The following AHCYL2 variants were observed in gnomAD, a reference collection of about 807,000 sequenced individuals.
AHCYL2 encodes the protein S-adenosylhomocysteine hydrolase-like protein 2.
AHCYL2 carries 28 observed loss-of-function variants against 81.4 expected under a neutral mutation model. That is an observed-to-expected ratio of 0.34 (90% confidence interval 0.25 to 0.47). The LOEUF is 0.47. AHCYL2 is among the 20% of genes least tolerant of loss of function. AHCYL2 has a pLI of 1.00. For synonymous variants in AHCYL2, 272 were observed against 290.2 expected (o/e 0.94, Z 0.64); for missense variants, 551 against 785.1 (o/e 0.70, Z 3.56).
At chr7:129,409,964 G>A (rs927341315) in intron 11 of AHCYL2, 7 of 599,440 alleles carry the variant, frequency 1.2e-5, no homozygotes, top group African/African-American at 3.8e-5. Flanking sequence ...TAGAGTGCAA[G>A]TGAAGCATCA....
At position 129,268,440 on chromosome 7, in the gene AHCYL2, C is replaced by T. The variant is rs371228169; in HGVS notation, c.363+43001C>T. On this transcript the variant is annotated intron_variant, in intron 1 of 16. Coordinates refer to ENST00000325006, the MANE Select transcript of AHCYL2 (RefSeq NM_015328.4). ...TCAGCTCACCACAACCTCCATCTCC[C>T]GGATTCAAGTGATTCTCCTGCCTCA... Among the ~76,000 whole-genome samples, 113 of 152,218 alleles carry T rather than the reference C, an allele frequency of 7.4e-4. No individual in the cohort carries two copies. In the East Asian group the frequency reaches 0.015, roughly 20 times the overall value.
chr7:129,376,332 G>A (rs1052511730), intron 1 of AHCYL2, among the ~76,000 whole-genome samples: 3 of 152,260 alleles, frequency 2.0e-5, no homozygotes, highest in Admixed American at 2.0e-4. Flanking sequence ...AAAGATACTC[G>A]TTTCTTGCGG....
chr7:129,268,210 T>C (rs1458213606), intron 1 of AHCYL2, among the ~76,000 whole-genome samples: 1 of 152,182 alleles, frequency 6.6e-6, no homozygotes, highest in Non-Finnish European at 1.5e-5. Context: ...GAGGATCTTG[T>C]TTTTACCAGC....
chr7:129,341,180 G>A (rs976162168), intron 1 of AHCYL2, among the ~76,000 whole-genome samples: 2 of 152,212 alleles, frequency 1.3e-5, no homozygotes, highest in Non-Finnish European at 2.9e-5. Context: ...AGAACTTGGG[G>A]TTACATAGCA....
chr7:129,268,478 G>T (rs1795893958), intron 1 of AHCYL2, among the ~76,000 whole-genome samples: 1 of 152,176 alleles, frequency 6.6e-6, no homozygotes, highest in Non-Finnish European at 1.5e-5. Context: ...CTCCTGAGTA[G>T]CTGGGACTAC....
intron 4 of AHCYL2, 44 bp downstream of exon 4, chr7:129,389,778 T>C (rs1458150500): frequency 1.3e-6 from 2 of 1,516,930 alleles, no homozygotes; most frequent in South Asian, 1.2e-5. Flanking sequence ...TAGTTAATAA[T>C]AGCCACGAGC....
intron 1 of AHCYL2, among the ~76,000 whole-genome samples, chr7:129,312,014 C>T (rs1035239861): frequency 3.3e-5 from 5 of 152,070 alleles, no homozygotes; most frequent in African/African-American, 7.2e-5. Context: ...GACAACGTTT[C>T]GCTCTTGTCA....
At chr7:129,340,611 C>CAA (rs1200747767) in intron 1 of AHCYL2, among the ~76,000 whole-genome samples, 3 of 151,610 alleles carry the variant, frequency 2.0e-5, no homozygotes, top group Admixed American at 1.3e-4. Context: ...GTTTTATCTA[C>CAA]TGTTTATAAA....
intron 1 of AHCYL2, among the ~76,000 whole-genome samples, chr7:129,255,621 C>T (rs905906117): frequency 6.6e-6 from 1 of 152,212 alleles, no homozygotes; most frequent in Non-Finnish European, 1.5e-5. Flanking sequence ...TTTAGCAATT[C>T]TTAGGGTTAA....
chr7:129,401,358 A>G (rs1796028310), intron 6 of AHCYL2, among the ~76,000 whole-genome samples: 1 of 141,160 alleles, frequency 7.1e-6, no homozygotes, highest in Admixed American at 7.2e-5. Context: ...CAAAAAAGCT[A>G]CACAAAGTAT....
At chr7:129,364,705 G>C (rs1017431389) in intron 1 of AHCYL2, among the ~76,000 whole-genome samples, 1 of 152,054 alleles carries the variant, frequency 6.6e-6, no homozygotes, top group Non-Finnish European at 1.5e-5. Flanking sequence ...CTTCACTCTA[G>C]CCATAAAATA....
rs1234366579 is a variant in AHCYL2, at chr7:129,419,749, A to C, written c.1462-3091A>C. Among the ~76,000 whole-genome samples, 2 of 152,182 alleles carry C rather than the reference A, an allele frequency of 1.3e-5. No homozygotes were observed. On this transcript the variant is annotated intron_variant, in intron 12 of 16. Coordinates refer to ENST00000325006, the MANE Select transcript of AHCYL2 (RefSeq NM_015328.4). The surrounding 1 kb of genome is among the most constrained non-coding windows in gnomAD (Gnocchi z 4.7). ...GTTCTCCCTGAAAAAAAAAAAACAA[A>C]AAAAAACCGGATATGCACTGTTCAG...
intron 1 of AHCYL2, among the ~76,000 whole-genome samples, chr7:129,235,103 A>G (rs1356426170): frequency 6.6e-6 from 1 of 152,156 alleles, no homozygotes; most frequent in Admixed American, 6.5e-5. Flanking sequence ...ATTGGGAAAC[A>G]TGGGGGTCTT....
intron 1 of AHCYL2, among the ~76,000 whole-genome samples, chr7:129,302,369 A>G (rs1452745362): frequency 6.6e-6 from 1 of 152,050 alleles, no homozygotes; most frequent in Non-Finnish European, 1.5e-5. Flanking sequence ...CTCTTGACTC[A>G]TTGCTCTAGC....
intron 1 of AHCYL2, among the ~76,000 whole-genome samples, chr7:129,362,014 G>A (rs954006400): frequency 2.6e-5 from 4 of 152,156 alleles, no homozygotes; most frequent in South Asian, 2.1e-4. Flanking sequence ...AGGTTATGCT[G>A]TTGGTAAGAA....
intron 1 of AHCYL2, among the ~76,000 whole-genome samples, chr7:129,291,601 T>C (rs546654019): frequency 6.8e-6 from 1 of 147,538 alleles, no homozygotes; most frequent in South Asian, 2.2e-4. Flanking sequence ...CCACAAAGTC[T>C]TTTTTTTTTC....
intron 6 of AHCYL2, among the ~76,000 whole-genome samples, chr7:129,401,206 C>T (rs953746769): frequency 1.5e-4 from 23 of 151,998 alleles, no homozygotes; most frequent in African/African-American, 5.6e-4. Context: ...GTAGTAGTCC[C>T]AGCTACTTAG....
chr7:129,231,371 A>G (rs1375540487), intron 1 of AHCYL2, among the ~76,000 whole-genome samples: 1 of 152,210 alleles, frequency 6.6e-6, no homozygotes, highest in Admixed American at 6.5e-5. Context: ...AATTGAAGAA[A>G]TCGATAGTTC....
chr7:129,256,689 C>T (rs1795441367), intron 1 of AHCYL2, among the ~76,000 whole-genome samples: 1 of 151,872 alleles, frequency 6.6e-6, no homozygotes, highest in Middle Eastern at 3.4e-3. Flanking sequence ...ATATTTTGCC[C>T]TTACAATCAA....
Sources: allele counts gnomAD v4.1 joint callset (sites outside exome capture counted in the v4.1 genomes callset), GRCh38; gene constraint gnomAD v4.1.1; non-coding constraint Gnocchi (gnomAD v3.1); transcripts MANE v1.5; gene names NCBI Gene and HGNC (gene_info 2026-07-23, HGNC 2026-07-21).